PCNX2: variants seen among roughly 807,000 people sequenced by gnomAD.
PCNX2 encodes pecanex-like protein 2.
PCNX2 carries 168 observed loss-of-function variants against 223.8 expected under a neutral mutation model. That is an observed-to-expected ratio of 0.75 (90% CI 0.66 to 0.85). The LOEUF (loss-of-function observed/expected upper bound fraction) is 0.85. PCNX2 is among the 40% of genes least tolerant of loss of function. The probability of loss-of-function intolerance (pLI) is 0.00; values close to 1 mark genes in which losing one functional copy is unlikely to be tolerated. For missense variants in PCNX2, 2,507 were observed against 2,675.5 expected (o/e 0.94, Z 1.39); for synonymous variants, 1,006 against 1,052.6 (o/e 0.96, Z 0.86).
intron 8 of PCNX2, among the ~76,000 whole-genome samples, chr1:233,240,723 G>A (rs1055552372): frequency 1.3e-5 from 2 of 152,122 alleles, no homozygotes; most frequent in Non-Finnish European, 2.9e-5. Context: ...TAATAAAGAC[G>A]GGCCTGGGGC....
Position 233,252,399 on chromosome 1 carries a change from C to G in PCNX2, c.2083G>C (p.Glu695Gln), listed in dbSNP as rs754343087. Residue 695 changes from glutamate to glutamine, a missense_variant, in exon 7 of 34, where the codon GAA becomes CAA. Coordinates refer to ENST00000258229, the MANE Select transcript of PCNX2 (RefSeq NM_014801.4). ...TGCATAGCATCCACAGATATCTCTTCTTGTACAGATGTTTCAGGCCCACTG... is the reference window on the plus strand; with the variant it reads ...TGCATAGCATCCACAGATATCTCTTGTTGTACAGATGTTTCAGGCCCACTG... ...VISGPETSVQ[E>Q]EISVDAMHVF... 2.5e-6 allele frequency: 4 copies of G among 1,613,620 alleles called. No individual in the cohort carries two copies. The African/African-American group carries it at 5.3e-5, about 22-fold the overall frequency.
At chr1:233,237,036 T>C (rs1025558453) in intron 8 of PCNX2, 56 bp from the exon 9 acceptor site, 2 of 1,604,100 alleles carry the variant, frequency 1.2e-6, no homozygotes, top group Admixed American at 1.7e-5. Flanking sequence ...AAGTCATCTA[T>C]TTATTATACA....
chr1:233,143,019 T>C (rs1454073375), intron 19 of PCNX2, among the ~76,000 whole-genome samples: 7 of 152,206 alleles, frequency 4.6e-5, no homozygotes, highest in African/African-American at 1.7e-4. Context: ...AATTATTACT[T>C]CCATGCTGAT....
chr1:233,165,155 CAATT>C (rs1678716576), intron 17 of PCNX2, among the ~76,000 whole-genome samples: 1 of 152,000 alleles, frequency 6.6e-6, no homozygotes, highest in Admixed American at 6.6e-5. Context: ...CAATTATTGT[CAATT>C]AAAAGCAAAA....
intron 9 of PCNX2, among the ~76,000 whole-genome samples, chr1:233,235,315 T>C (rs1414294927): frequency 6.6e-6 from 1 of 152,152 alleles, no homozygotes; most frequent in Non-Finnish European, 1.5e-5. Flanking sequence ...TGAGAGAGGA[T>C]CTCACTCTGC....
intron 1 of PCNX2, among the ~76,000 whole-genome samples, chr1:233,266,056 C>T (rs73111167): frequency 0.025 from 3,753 of 152,260 alleles, 162 homozygotes; most frequent in African/African-American, 0.086. Context: ...CTATAAAGGA[C>T]CACTTGGCAC....
chr1:233,029,001 G>A (rs1029409780), intron 25 of PCNX2, among the ~76,000 whole-genome samples: 5 of 151,828 alleles, frequency 3.3e-5, no homozygotes, highest in African/African-American at 9.7e-5. Context: ...ACCAGGTCCC[G>A]CTAATTTTTC....
intron 28 of PCNX2, among the ~76,000 whole-genome samples, chr1:233,012,258 A>T (rs767919688): frequency 4.5e-4 from 68 of 152,252 alleles, no homozygotes; most frequent in Admixed American, 9.8e-4. Flanking sequence ...ATGGCACCCT[A>T]GCAGATTCAA....
At chr1:232,993,384 T>C (rs1322445644) in intron 32 of PCNX2, among the ~76,000 whole-genome samples, 1 of 152,190 alleles carries the variant, frequency 6.6e-6, no homozygotes, top group Non-Finnish European at 1.5e-5. Flanking sequence ...AGAGATGATT[T>C]AGGGTATCTG....
chr1:233,268,295 C>T (rs1660453478), intron 1 of PCNX2, among the ~76,000 whole-genome samples: 1 of 152,118 alleles, frequency 6.6e-6, no homozygotes, highest in Non-Finnish European at 1.5e-5. Context: ...TAACTACAGG[C>T]CAATGGGTTT....
chr1:233,291,170 A>G (rs1661741352), intron 1 of PCNX2: 1 of 844,874 alleles, frequency 1.2e-6, no homozygotes, highest in Admixed American at 6.2e-5. Flanking sequence ...TTTACCACTG[A>G]CTATAGATGA....
chr1:233,017,475 G>A (rs1041681088), intron 26 of PCNX2, among the ~76,000 whole-genome samples: 2 of 151,850 alleles, frequency 1.3e-5, no homozygotes, highest in South Asian at 2.1e-4. Flanking sequence ...CCGCCACCAC[G>A]CCCAGCTAAT....
intron 27 of PCNX2, chr1:233,016,685 C>T (rs1484503674): frequency 1.5e-5 from 12 of 802,622 alleles, no homozygotes; most frequent in Non-Finnish European, 1.8e-5. Flanking sequence ...ACTTCGCTGG[C>T]CCTGAGCACT....
the PCNX2 span, among the ~76,000 whole-genome samples, chr1:233,318,923 C>A: frequency 6.6e-6 from 1 of 152,096 alleles, no homozygotes; most frequent in East Asian, 1.9e-4. Flanking sequence ...TCCCCACTTA[C>A]GTTTCATCTG....
chr1:233,317,576 ACTTTT>A, the PCNX2 span, among the ~76,000 whole-genome samples: 2 of 152,096 alleles, frequency 1.3e-5, no homozygotes, highest in African/African-American at 4.8e-5. Context: ...TACTAATCCA[ACTTTT>A]AATTCTGACT....
intron 23 of PCNX2, among the ~76,000 whole-genome samples, chr1:233,059,856 T>C (rs1672338224): frequency 6.6e-6 from 1 of 152,188 alleles, no homozygotes; most frequent in Non-Finnish European, 1.5e-5. Context: ...AAATGGTGCT[T>C]AAGAAGAAAC....
Position 233,001,811 on chromosome 1 carries a change from C to G in PCNX2, c.4953-130G>C. On this transcript the variant is annotated intron_variant, in intron 28 of 33. Coordinates refer to ENST00000258229, the MANE Select transcript of PCNX2 (RefSeq NM_014801.4). This position sits in a 1 kb window ranked among gnomAD's most constrained non-coding sequence, Gnocchi z 4.2. ...TGATATAGCAAGAAAATGAAGATAACAGGACTCATCCCAGTGCACCTAGTG... is the reference window on the plus strand; with the variant it reads ...TGATATAGCAAGAAAATGAAGATAAGAGGACTCATCCCAGTGCACCTAGTG... The G allele has an allele frequency of 1.1e-6, 1 of 930,016 alleles. No individual in the cohort carries two copies. Among genetic ancestry groups the G allele is most frequent in the Non-Finnish European group, 1.5e-6 (1 of 680,830 alleles). 57.6% of individuals were successfully genotyped at this position (930,016 alleles called of 1,614,324 possible).
chr1:233,194,932 G>A (rs564958784), intron 15 of PCNX2, among the ~76,000 whole-genome samples: 168 of 151,614 alleles, frequency 1.1e-3, no homozygotes, highest in Middle Eastern at 3.4e-3. Context: ...CAGGAGAATG[G>A]CGTGAACCCA....
At chr1:233,289,932 AG>A (rs1661662926) in intron 1 of PCNX2, among the ~76,000 whole-genome samples, 1 of 152,240 alleles carries the variant, frequency 6.6e-6, no homozygotes, top group South Asian at 2.1e-4. Context: ...GGGCCAGGAA[AG>A]GCTGCCTCTT....
Sources: allele counts gnomAD v4.1 joint callset (sites outside exome capture counted in the v4.1 genomes callset), GRCh38; gene constraint gnomAD v4.1.1; non-coding constraint Gnocchi (gnomAD v3.1); transcripts MANE v1.5; gene names NCBI Gene and HGNC (gene_info 2026-07-23, HGNC 2026-07-21).